The following CYREN variants were observed in gnomAD, a reference collection of about 807,000 sequenced individuals.
CYREN encodes the protein cell cycle regulator of NHEJ, also known as cell cycle regulator of non-homologous end joining.
Under a neutral mutation model 9.7 loss-of-function variants are expected in CYREN, and 7 were observed. That is an observed-to-expected ratio of 0.72 (90% CI 0.41 to 1.36). CYREN has a LOEUF of 1.36. Ranked by LOEUF, CYREN falls within the 40% of genes most tolerant of loss-of-function variation. The pLI, the probability that CYREN is intolerant of heterozygous loss-of-function variation, is 0.01. For synonymous variants in CYREN, 76 were observed against 77.9 expected (o/e 0.98, Z 0.13); for missense variants, 215 against 198.1 (o/e 1.09, Z -0.51).
At chr7:135,102,027 T>C (rs1823912508) in intron 2 of CYREN, among the ~76,000 whole-genome samples, 2 of 152,210 alleles carry the variant, frequency 1.3e-5, no homozygotes, top group South Asian at 4.1e-4. Context: ...CCTTCCACCA[T>C]GATCGTGAGG....
intron 2 of CYREN, chr7:135,129,563 T>G: frequency 1.3e-6 from 1 of 772,590 alleles, no homozygotes; most frequent in East Asian, 2.4e-5. Flanking sequence ...TCTGTTGGAT[T>G]TGCATGAGTT....
chr7:135,113,816 TC>T (rs760496276), intron 2 of CYREN, among the ~76,000 whole-genome samples: 1 of 152,036 alleles, frequency 6.6e-6, no homozygotes, highest in Non-Finnish European at 1.5e-5. Context: ...CAATTCTCCC[TC>T]CCCCCAGCAC....
intron 2 of CYREN, among the ~76,000 whole-genome samples, chr7:135,108,707 G>T (rs1825150068): frequency 6.6e-6 from 1 of 152,152 alleles, no homozygotes; most frequent in Non-Finnish European, 1.5e-5. Flanking sequence ...TCTTGCAGGG[G>T]TTTCCTGTAT....
At chr7:135,100,957 T>C (rs17231184) in intron 2 of CYREN, among the ~76,000 whole-genome samples, 7,741 of 152,274 alleles carry the variant, frequency 0.051, 260 homozygotes, top group Non-Finnish European at 0.08. Context: ...CCAAGTATGA[T>C]AGTGTATTAA....
At chr7:135,138,956 G>C (rs1289372419) in intron 2 of CYREN, among the ~76,000 whole-genome samples, 4 of 151,910 alleles carry the variant, frequency 2.6e-5, no homozygotes, top group African/African-American at 9.7e-5. Context: ...AGTATTCTAT[G>C]GTATATGTGT....
intron 2 of CYREN, among the ~76,000 whole-genome samples, chr7:135,115,166 T>C (rs1326778266): frequency 6.6e-6 from 1 of 152,210 alleles, no homozygotes; most frequent in African/African-American, 2.4e-5. Context: ...AAGAATTCTC[T>C]ACTCCCCTCC....
intron 2 of CYREN, among the ~76,000 whole-genome samples, chr7:135,106,089 A>G (rs1165229673): frequency 1.3e-5 from 2 of 152,130 alleles, no homozygotes; most frequent in African/African-American, 4.8e-5. Context: ...TTGATTTTGT[A>G]TCCTGAAACT....
downstream of CYREN, chr7:135,164,660 G>A (rs891172299): frequency 5.6e-6 from 9 of 1,613,410 alleles, no homozygotes; most frequent in Non-Finnish European, 7.6e-6. Flanking sequence ...TGGAAGCCCT[G>A]GGGGTGCCTC....
At chr7:135,132,787 G>A (rs543184205) in intron 2 of CYREN, among the ~76,000 whole-genome samples, 12 of 152,186 alleles carry the variant, frequency 7.9e-5, no homozygotes, top group South Asian at 4.1e-4. Flanking sequence ...CCAAGATTGC[G>A]AGGCCTCCCC....
intron 2 of CYREN, among the ~76,000 whole-genome samples, chr7:135,144,164 G>A (rs970264318): frequency 6.6e-6 from 1 of 152,166 alleles, no homozygotes; most frequent in African/African-American, 2.4e-5. Context: ...CTGGATTCCT[G>A]GTCACCTTTT....
At chr7:135,115,354 T>C in intron 2 of CYREN, 2 of 1,402,678 alleles carry the variant, frequency 1.4e-6, no homozygotes, top group Non-Finnish European at 2.0e-6. Context: ...CATATCTCTG[T>C]ACATATTTTT....
At chr7:135,102,789 G>C (rs1338454330) in intron 2 of CYREN, among the ~76,000 whole-genome samples, 1 of 151,854 alleles carries the variant, frequency 6.6e-6, no homozygotes, top group African/African-American at 2.4e-5. Flanking sequence ...ATGGATCATA[G>C]ATCTAAATAT....
chr7:135,108,948 A>G (rs1459084655), intron 2 of CYREN, among the ~76,000 whole-genome samples: 1 of 152,168 alleles, frequency 6.6e-6, no homozygotes, highest in Non-Finnish European at 1.5e-5. Flanking sequence ...TCAAGCTCCA[A>G]GATTCTTTCC....
At chr7:135,128,435 A>G in intron 2 of CYREN, 1 of 705,250 alleles carries the variant, frequency 1.4e-6, no homozygotes, top group South Asian at 1.5e-5. Flanking sequence ...TGTTCCTCAG[A>G]AAATTAAATG....
chr7:135,116,800 G>A (rs541350106), intron 2 of CYREN, among the ~76,000 whole-genome samples: 2 of 152,156 alleles, frequency 1.3e-5, no homozygotes, highest in Non-Finnish European at 2.9e-5. Context: ...GGAGTACAGT[G>A]GTTATTGCCT....
chr7:135,162,572 A>C (rs964147170), downstream of CYREN, among the ~76,000 whole-genome samples: 1 of 152,252 alleles, frequency 6.6e-6, no homozygotes, highest in Non-Finnish European at 1.5e-5. Flanking sequence ...ACATGGCAGC[A>C]GGCAAGAGAA....
chr7:135,168,888 AC>A lies in CYREN; in HGVS notation c.34del (p.Val12SerfsTer6), dbSNP rs781348119. On this transcript the variant is annotated frameshift_variant, in exon 2 of 4. Coordinates refer to ENST00000393114, the MANE Select transcript of CYREN (RefSeq NM_024033.4). LOFTEE classifies it high-confidence loss of function. ...CTGGGCTGTCAGCCATGAGGGAAGG[AC>A]CCTCGTTTTAGTCTCGGATTGTAAG... ...ETLQSETKTR[V>X]LPSWLTAQVA... 1 of 1,612,450 alleles carries A rather than the reference AC, an allele frequency of 6.2e-7. No homozygotes were observed. The highest frequency in any genetic ancestry group is 1.3e-5 in the African/African-American group (1 of 74,782).
chr7:135,147,793 G>T (rs1329312116), intron 2 of CYREN: 5 of 456,066 alleles, frequency 1.1e-5, no homozygotes, highest in Non-Finnish European at 2.2e-5. Context: ...ATAAAATTCC[G>T]GGTTGTGTTT....
intron 2 of CYREN, chr7:135,135,178 C>T: frequency 6.5e-7 from 1 of 1,549,764 alleles, no homozygotes; most frequent in Non-Finnish European, 8.7e-7. Context: ...TACAGCCCTC[C>T]ATCTAACTAA....
Sources: gnomAD v4.1 joint callset for allele counts (sites outside exome capture counted in the v4.1 genomes callset) on GRCh38, gnomAD v4.1.1 for gene constraint, MANE v1.5 for transcripts, NCBI Gene and HGNC (gene_info 2026-07-23, HGNC 2026-07-21) for gene names.